RUFY4: variants seen among roughly 807,000 people sequenced by gnomAD.
The protein encoded by RUFY4 is RUN and FYVE domain-containing protein 4.
A neutral mutation model predicts 69.0 loss-of-function variants in RUFY4; 73 were observed. That is an observed-to-expected ratio of 1.06 (90% confidence interval 0.88 to 1.29). RUFY4 has a LOEUF of 1.29. Ranked by LOEUF, RUFY4 falls within the 50% of genes most tolerant of loss-of-function variation. The pLI, the probability that RUFY4 is intolerant of heterozygous loss-of-function variation, is 0.00. For synonymous variants in RUFY4, 287 were observed against 271.8 expected, an observed-to-expected ratio of 1.06 and a Z score of -0.55; for missense variants, 770 against 705.6, an observed-to-expected ratio of 1.09 and a Z score of -1.03.
At chr2:218,049,797 C>T (rs1036763906) in intron 2 of RUFY4, among the ~76,000 whole-genome samples, 6 of 152,168 alleles carry the variant, frequency 3.9e-5, no homozygotes, top group Non-Finnish European at 8.8e-5. Flanking sequence ...CGTGAGCCAC[C>T]GTGCCCAGCT....
intron 8 of RUFY4, among the ~76,000 whole-genome samples, chr2:218,078,616 TA>T: frequency 6.6e-6 from 1 of 152,306 alleles, no homozygotes; most frequent in South Asian, 2.1e-4. Flanking sequence ...TGACTTTTTT[TA>T]ATGTCAAAAA....
At chr2:218,043,853 T>C (rs1360901165) in intron 2 of RUFY4, among the ~76,000 whole-genome samples, 1 of 152,208 alleles carries the variant, frequency 6.6e-6, no homozygotes, top group Non-Finnish European at 1.5e-5. Context: ...AAGGGGCACC[T>C]GCAGGCCAGT....
chr2:218,083,337 T>C (rs1012162442), intron 9 of RUFY4, 81 bp downstream of exon 11: 4 of 1,496,390 alleles, frequency 2.7e-6, no homozygotes, highest in Non-Finnish European at 3.6e-6. Flanking sequence ...AAAATTCTAC[T>C]CCACTCACAA....
intron 4 of RUFY4, 68 bp downstream of exon 6, chr2:218,072,953 C>T (rs1689528498): frequency 8.0e-7 from 1 of 1,246,568 alleles, no homozygotes; most frequent in Non-Finnish European, 1.1e-6. Flanking sequence ...TAAAAGAGCC[C>T]TCCTTTAACC....
intron 2 of RUFY4, among the ~76,000 whole-genome samples, chr2:218,057,093 A>G (rs4672867): frequency 0.25 from 36,873 of 150,228 alleles, 5,213 homozygotes; most frequent in East Asian, 0.4. Flanking sequence ...AAAAAAAAAA[A>G]AGAGAGAGAG....
chr2:218,053,564 C>T (rs895038354), intron 2 of RUFY4, among the ~76,000 whole-genome samples: 15 of 152,250 alleles, frequency 9.9e-5, no homozygotes, highest in Non-Finnish European at 1.6e-4. Context: ...GGCTGGAGTG[C>T]AGTGGCGAGA....
rs1468847278 is a variant in RUFY4, at chr2:218,062,965, G to C, written c.-1071+4284G>C. On this transcript the variant is annotated intron_variant and NMD_transcript_variant, in intron 3 of 13. Transcript: ENST00000457754. Reference sequence around the variant, plus strand: ...TCCAGCCTTGCTGGGGACCCTCCCTGTCCTGCATGTGTGTGCCTCCATCCA... The same window carrying C: ...TCCAGCCTTGCTGGGGACCCTCCCTCTCCTGCATGTGTGTGCCTCCATCCA... Among the ~76,000 whole-genome samples the C allele has an allele frequency of 2.6e-5, 4 of 152,292 alleles. No individual in the cohort carries two copies. In the East Asian group the frequency reaches 7.7e-4, roughly 29 times the overall value.
chr2:218,058,655 A>C (rs1361201516), exon 3 of RUFY4: 1 of 152,200 alleles, frequency 6.6e-6, no homozygotes, highest in Non-Finnish European at 1.5e-5. Context: ...TTGGAGCAGC[A>C]GTTTCATTCT....
chr2:218,049,418 T>C (rs1311500575), intron 2 of RUFY4, among the ~76,000 whole-genome samples: 1 of 152,194 alleles, frequency 6.6e-6, no homozygotes, highest in Non-Finnish European at 1.5e-5. Flanking sequence ...CTCACTCTCC[T>C]GGCCAGTAGA....
At chr2:218,059,181 T>C (rs1689128400) in intron 3 of RUFY4, 1 of 152,230 alleles carries the variant, frequency 6.6e-6, no homozygotes, top group African/African-American at 2.4e-5. Flanking sequence ...AGACATTTAA[T>C]TATCTCATTT....
At chr2:218,078,750 C>A (rs1407461489) in intron 8 of RUFY4, among the ~76,000 whole-genome samples, 1 of 152,232 alleles carries the variant, frequency 6.6e-6, no homozygotes, top group Non-Finnish European at 1.5e-5. Flanking sequence ...AAACCCTGTA[C>A]CCATTAGCAG....
exon 8 of RUFY4, chr2:218,076,432 C>T (rs1459480927): frequency 1.3e-6 from 2 of 1,549,846 alleles, no homozygotes; most frequent in Non-Finnish European, 1.7e-6. Context: ...CACAGAGCCT[C>T]AGACTTGGGC....
intron 6 of RUFY4, 83 bp downstream of exon 8, chr2:218,073,968 C>T: frequency 7.4e-7 from 1 of 1,359,874 alleles, no homozygotes; most frequent in East Asian, 2.4e-5. Flanking sequence ...TGAGCTTCCC[C>T]CTCCGAGTGT....
intron 2 of RUFY4, among the ~76,000 whole-genome samples, chr2:218,054,636 A>G (rs1689019528): frequency 6.6e-6 from 1 of 152,152 alleles, no homozygotes; most frequent in South Asian, 2.1e-4. Flanking sequence ...AGGTTTATAA[A>G]ACTGCTAATC....
intron 2 of RUFY4, among the ~76,000 whole-genome samples, chr2:218,049,414 C>G (rs1188441636): frequency 1.3e-5 from 2 of 152,142 alleles, no homozygotes; most frequent in African/African-American, 4.8e-5. Flanking sequence ...TCATCTCACT[C>G]TCCTGGCCAG....
chr2:218,057,805 C>T (rs2106035431), intron 2 of RUFY4, among the ~76,000 whole-genome samples: 1 of 152,338 alleles, frequency 6.6e-6, no homozygotes, highest in East Asian at 1.9e-4. Flanking sequence ...TCTGTTCTGG[C>T]TTCTTCCACT....
intron 10 of RUFY4, 74 bp from the exon 13 acceptor site, chr2:218,089,878 C>A: frequency 1.0e-6 from 1 of 1,000,112 alleles, no homozygotes; most frequent in Non-Finnish European, 1.6e-6. Flanking sequence ...GCTGGAACTC[C>A]ATGACCTCAG....
At chr2:218,087,671 A>G (rs2106076513) in intron 9 of RUFY4, among the ~76,000 whole-genome samples, 1 of 152,208 alleles carries the variant, frequency 6.6e-6, no homozygotes, top group Middle Eastern at 3.4e-3. Context: ...TCTACTAAAA[A>G]TACAAAAATT....
intron 2 of RUFY4, among the ~76,000 whole-genome samples, chr2:218,052,933 G>A (rs960147462): frequency 6.6e-6 from 1 of 151,190 alleles, no homozygotes; most frequent in African/African-American, 2.4e-5. Context: ...ATTTCAAAAT[G>A]ACATTTGATT....
Sources: allele counts gnomAD v4.1 joint callset (sites outside exome capture counted in the v4.1 genomes callset), GRCh38; gene constraint gnomAD v4.1.1; transcripts MANE v1.5; gene names NCBI Gene and HGNC (gene_info 2026-07-23, HGNC 2026-07-21).